The following APOL1 variants were observed in gnomAD, a reference collection of about 807,000 sequenced individuals.
APOL1 encodes apolipoprotein L1.
APOL1 carries 17 observed loss-of-function variants against 14.9 expected under a neutral mutation model. The ratio of observed to expected loss-of-function variants is 1.14; its 90% CI spans 0.78 to 1.71. APOL1 has a LOEUF of 1.71. APOL1 is among the 40% of genes most tolerant of loss of function. APOL1 has a pLI of 0.00. For synonymous variants in APOL1, 195 were observed against 184.8 expected, an observed-to-expected ratio of 1.05 and a Z score of -0.45; for missense variants, 523 against 485.9, an observed-to-expected ratio of 1.08 and a Z score of -0.72.
intron 4 of APOL1, chr22:36,259,750 C>A: frequency 7.7e-7 from 1 of 1,304,290 alleles, no homozygotes; most frequent in Non-Finnish European, 1.0e-6. Flanking sequence ...CATGGAGGTG[C>A]CTCAAGGATC....
At chr22:36,253,521 A>G (rs1475490977) in intron 1 of APOL1, among the ~76,000 whole-genome samples, 3 of 152,178 alleles carry the variant, frequency 2.0e-5, no homozygotes, top group African/African-American at 7.2e-5. Context: ...TCTTTGGGAA[A>G]TTTGAAGGAA....
intron 4 of APOL1, among the ~76,000 whole-genome samples, chr22:36,260,082 T>G (rs2016029700): frequency 6.6e-6 from 1 of 152,220 alleles, no homozygotes; most frequent in South Asian, 2.1e-4. Flanking sequence ...GTCTGGATTT[T>G]ACTTTCTTCA....
intron 4 of APOL1, chr22:36,259,531 G>T (rs1005554616): frequency 2.5e-6 from 3 of 1,180,142 alleles, no homozygotes; most frequent in Non-Finnish European, 3.3e-6. Flanking sequence ...GCTGAGTCCT[G>T]TCCAAGACGA....
intron 4 of APOL1, chr22:36,259,829 G>A: frequency 7.7e-7 from 1 of 1,304,286 alleles, no homozygotes; most frequent in Middle Eastern, 2.1e-4. Context: ...GAGTGCCCAA[G>A]ACCAGCAGGA....
intron 5 of APOL1, among the ~76,000 whole-genome samples, chr22:36,264,480 C>G (rs1459964030): frequency 3.3e-5 from 5 of 152,200 alleles, no homozygotes; most frequent in Non-Finnish European, 5.9e-5. Context: ...AATAAGGTCT[C>G]TTTGTCTCAC....
At chr22:36,261,550 A>T (rs713929) in intron 4 of APOL1, 46 bp from the exon 5 acceptor site, 1 of 1,581,768 alleles carries the variant, frequency 6.3e-7, no homozygotes, top group Non-Finnish European at 8.7e-7. Flanking sequence ...GCTGTTATGC[A>T]CTCCCACACT....
At position 36,265,847 on chromosome 22, in the gene APOL1, T is replaced by A. The variant is rs750486483; in HGVS notation, c.1011T>A (p.Asp337Glu). ...LEMSRGVKLT[D>E]VAPVSFFLVL... is the part of the protein sequence containing the mutation. ...TGAGCAGAGGAGTCAAGCTCACGGA[T>A]GTGGCCCCTGTAAGCTTCTTTCTTG... The change falls in exon 6 of 6, where the codon GAT becomes GAA. Residue 337 changes from aspartate to glutamate, a missense_variant. By Grantham distance (45) the Asp-to-Glu change is conservative (BLOSUM62 2). Coordinates refer to ENST00000397278, the MANE Select transcript of APOL1 (RefSeq NM_003661.4). The A allele has an allele frequency of 3.1e-6, 5 of 1,614,034 alleles. No homozygotes were observed. Among genetic ancestry groups the A allele is most frequent in the Non-Finnish European group, 4.2e-6 (5 of 1,180,036 alleles).
intron 4 of APOL1, among the ~76,000 whole-genome samples, chr22:36,260,792 G>C (rs2016050082): frequency 6.6e-6 from 1 of 152,164 alleles, no homozygotes; most frequent in African/African-American, 2.4e-5. Context: ...TTTACATTAA[G>C]GGATATATAT....
intron 4 of APOL1, among the ~76,000 whole-genome samples, chr22:36,257,731 A>G (rs1349880409): frequency 6.8e-6 from 1 of 146,042 alleles, no homozygotes; most frequent in Non-Finnish European, 1.5e-5. Flanking sequence ...AGCAGGGTCC[A>G]GGAGGAGAGG....
intron 2 of APOL1, 77 bp from the exon 3 acceptor site, chr22:36,257,006 G>C: frequency 6.6e-7 from 1 of 1,509,816 alleles, no homozygotes; most frequent in Non-Finnish European, 9.1e-7. Flanking sequence ...CTCTATTTCT[G>C]TGTATAGACT....
chr22:36,263,211 T>C lies in APOL1; in HGVS notation c.314+1489T>C, dbSNP rs180751877. Among the ~76,000 whole-genome samples, 101 of 152,268 alleles carry C rather than the reference T, an allele frequency of 6.6e-4. 1 individual carries two copies. The highest frequency in any genetic ancestry group is 1.2e-3 in the Non-Finnish European group (83 of 68,010). On this transcript the variant is annotated intron_variant, in intron 5 of 5. Transcript: ENST00000397278. ...AGCGTCCATGTGGAGCCAGAATGAA[T>C]AGCCAGATCTCCCACTCCAGTCAGC...
chr22:36,255,143 T>G (rs1046684762), intron 2 of APOL1, 144 bp downstream of exon 2: 7 of 1,048,588 alleles, frequency 6.7e-6, no homozygotes, highest in Non-Finnish European at 8.8e-6. Context: ...ACCGGCAGAC[T>G]CGCCCAGGGA....
chr22:36,254,023 T>A (rs771856711), intron 1 of APOL1: 1 of 1,612,442 alleles, frequency 6.2e-7, no homozygotes, highest in East Asian at 2.2e-5. Context: ...AGAGCTTAGA[T>A]CTCTGTGTTC....
rs143845266 is a variant in APOL1 at position 36,265,894 on chromosome 22, T to A, written c.1058T>A (p.Val353Glu). ...CTTGTGCTGGATGTAGTCTACCTCG[T>A]GTACGAATCAAAGCACTTACATGAG... is the stretch of plus-strand genomic sequence containing the variant. ...FFLVLDVVYL[V>E]YESKHLHEGA... is the part of the protein sequence containing the mutation. The change falls in exon 6 of 6, where the codon GTG (valine) becomes GAG (glutamate). Residue 353 changes from valine (V) to glutamate (E), a missense_variant. By Grantham distance (121) the Val-to-Glu change is moderately radical. Transcript: ENST00000397278. The A allele has an allele frequency of 1.6e-3, 2,535 of 1,614,166 alleles. 2 individuals carry two copies. The highest frequency in any genetic ancestry group is 1.7e-3 in the Non-Finnish European group (1,957 of 1,180,032).
intron 4 of APOL1, among the ~76,000 whole-genome samples, chr22:36,257,752 G>A (rs901049252): frequency 8.6e-5 from 13 of 151,884 alleles, no homozygotes; most frequent in African/African-American, 2.9e-4. Flanking sequence ...AGGGCTGGGA[G>A]AGGAGGTTGA....
chr22:36,254,901 G>A, intron 1 of APOL1, 36 bp from the exon 2 acceptor site: 2 of 1,612,694 alleles, frequency 1.2e-6, no homozygotes, highest in Non-Finnish European at 1.7e-6. Context: ...TTCTCAGGAG[G>A]AGCACACTGT....
At chr22:36,255,265 C>T (rs1051065978) in intron 2 of APOL1, among the ~76,000 whole-genome samples, 2 of 152,214 alleles carry the variant, frequency 1.3e-5, no homozygotes, top group Non-Finnish European at 2.9e-5. Flanking sequence ...AGGATGGGAT[C>T]CAGGGTGCAG....
At position 36,266,064 on chromosome 22, in the gene APOL1, A is replaced by G; in HGVS notation, c.*31A>G. ...GGGCAGGGCAGCCACCAGGAGAGAT[A>G]TGCCTGGCAGGGGCCAGGACAAAAT... On this transcript the variant is annotated 3_prime_UTR_variant, in exon 6 of 6. Coordinates refer to ENST00000397278, the MANE Select transcript of APOL1 (RefSeq NM_003661.4). 1 of 1,553,494 alleles carries G rather than the reference A, an allele frequency of 6.4e-7. No homozygotes were observed. Among genetic ancestry groups the G allele is most frequent in the Non-Finnish European group, 8.7e-7 (1 of 1,153,428 alleles).
chr22:36,263,816 C>G (rs554366490), intron 5 of APOL1, among the ~76,000 whole-genome samples: 1 of 152,254 alleles, frequency 6.6e-6, no homozygotes, highest in South Asian at 2.1e-4. Flanking sequence ...CAGCCAACAC[C>G]AGGGTGGGGG....
Sources: allele counts gnomAD v4.1 joint callset (sites outside exome capture counted in the v4.1 genomes callset), GRCh38; gene constraint gnomAD v4.1.1; transcripts MANE v1.5; gene names NCBI Gene and HGNC (gene_info 2026-07-23, HGNC 2026-07-21).